Variants in ITGA2 observed in about 807,000 individuals in gnomAD.
ITGA2 encodes the protein integrin alpha-2.
A neutral mutation model predicts 146.3 loss-of-function variants in ITGA2; 101 were observed. The observed-to-expected ratio is 0.69, with a 90% CI of 0.59 to 0.81. The LOEUF (loss-of-function observed/expected upper bound fraction) is 0.81, where lower values mean the gene tolerates loss of function less well. Ranked by LOEUF, ITGA2 falls within the 40% of genes least tolerant of loss-of-function variation. ITGA2 has a pLI of 0.00. For missense variants in ITGA2, 1,281 were observed against 1,402.7 expected, an observed-to-expected ratio of 0.91 and a Z score of 1.39; for synonymous variants, 477 against 487.1, an observed-to-expected ratio of 0.98 and a Z score of 0.27.
At position 53,078,945 on chromosome 5, in the gene ITGA2, A is replaced by G. The variant is rs1745784914; in HGVS notation, c.2928+71A>G. 4.6e-6 allele frequency: 4 copies of G among 873,298 alleles called. No homozygotes were observed. In the East Asian group the frequency reaches 9.9e-5, roughly 22 times the overall value. The allele number at this position is 873,298 out of a possible 1,614,324, so 54.1% of individuals were successfully genotyped here. Reference sequence around the variant, plus strand: ...AAGAAAAAAAATGAGTCTGGAAATAAAAGGAGAAAGTAAAAAGAAATTGAA... The same window carrying G: ...AAGAAAAAAAATGAGTCTGGAAATAGAAGGAGAAAGTAAAAAGAAATTGAA... On this transcript the variant is annotated intron_variant, in intron 24 of 29. Coordinates refer to ENST00000296585, the MANE Select transcript of ITGA2 (RefSeq NM_002203.4).
intron 9 of ITGA2, among the ~76,000 whole-genome samples, chr5:53,057,707 T>C (rs781387808): frequency 1.3e-5 from 2 of 151,970 alleles, no homozygotes; most frequent in Non-Finnish European, 2.9e-5. Context: ...TCACCTTACC[T>C]TATACCCTTT....
chr5:53,055,119 AT>A (rs980291132), intron 7 of ITGA2, among the ~76,000 whole-genome samples: 16 of 151,502 alleles, frequency 1.1e-4, no homozygotes, highest in East Asian at 1.9e-4. Flanking sequence ...AAATACTTTG[AT>A]TTTTTTTTAA....
chr5:53,088,434 C>T (rs1011010284), intron 28 of ITGA2, among the ~76,000 whole-genome samples: 4 of 151,950 alleles, frequency 2.6e-5, no homozygotes, highest in Non-Finnish European at 2.9e-5. Context: ...ACCTATAATC[C>T]CAGCACTTTG....
intron 23 of ITGA2, among the ~76,000 whole-genome samples, 162 bp downstream of exon 23, chr5:53,075,466 C>T (rs1745620581): frequency 6.6e-6 from 1 of 151,836 alleles, no homozygotes; most frequent in Admixed American, 6.6e-5. Context: ...ATATTGGTCC[C>T]TAGGAAAACC....
At chr5:52,995,378 G>T (rs1474397737) in intron 1 of ITGA2, among the ~76,000 whole-genome samples, 2 of 152,196 alleles carry the variant, frequency 1.3e-5, no homozygotes, top group Non-Finnish European at 2.9e-5. Context: ...TAGGAGACCA[G>T]TTGTGAGATG....
At chr5:53,066,853 A>C (rs956686498) in intron 15 of ITGA2, among the ~76,000 whole-genome samples, 1 of 151,934 alleles carries the variant, frequency 6.6e-6, no homozygotes, top group Non-Finnish European at 1.5e-5. Flanking sequence ...ATCAAGAGTA[A>C]ATACACATAT....
intron 1 of ITGA2, among the ~76,000 whole-genome samples, chr5:53,013,515 G>C (rs1742253796): frequency 6.6e-6 from 1 of 151,864 alleles, no homozygotes; most frequent in South Asian, 2.1e-4. Flanking sequence ...CTGTAGCCTT[G>C]TAGTATAGTT....
chr5:53,080,622 G>GTAAA lies in ITGA2; in HGVS notation c.3039+2_3039+5dup. The GTAAA allele has an allele frequency of 6.2e-7, 1 of 1,606,564 alleles. No homozygotes were observed. ...CCTAACTGGGGTGCAAACAGACAAG[G>GTAAA]TAAAGATTAAAAAATTGCCTAAAAA... On this transcript the variant is annotated splice_donor_variant, in intron 25 of 29. Coordinates refer to ENST00000296585, the MANE Select transcript of ITGA2 (RefSeq NM_002203.4). LOFTEE classifies it high-confidence loss of function.
chr5:53,024,823 A>G (rs980846406), intron 1 of ITGA2, among the ~76,000 whole-genome samples: 7 of 152,230 alleles, frequency 4.6e-5, no homozygotes, highest in Non-Finnish European at 1.0e-4. Flanking sequence ...AGTCAGAAAG[A>G]TACACCAGGG....
At chr5:53,044,072 C>T (rs1328474512) in intron 3 of ITGA2, among the ~76,000 whole-genome samples, 1 of 151,558 alleles carries the variant, frequency 6.6e-6, no homozygotes, top group Non-Finnish European at 1.5e-5. Flanking sequence ...CTCAGGAGTT[C>T]AAGACCAACC....
At chr5:53,073,859 A>G (rs1745518345) in intron 20 of ITGA2, among the ~76,000 whole-genome samples, 1 of 151,568 alleles carries the variant, frequency 6.6e-6, no homozygotes, top group Non-Finnish European at 1.5e-5. Flanking sequence ...TTAGAGTTCT[A>G]AACCTAACCT....
At chr5:53,044,702 ATG>A (rs1033793103) in intron 3 of ITGA2, among the ~76,000 whole-genome samples, 1 of 152,146 alleles carries the variant, frequency 6.6e-6, no homozygotes, top group Non-Finnish European at 1.5e-5. Context: ...ATGTCCTCAA[ATG>A]TGTTTTGTTT....
At chr5:53,020,239 TTTGAA>T (rs1018849237) in intron 1 of ITGA2, among the ~76,000 whole-genome samples, 5 of 152,182 alleles carry the variant, frequency 3.3e-5, no homozygotes, top group Admixed American at 2.6e-4. Flanking sequence ...TATGGACAGT[TTTGAA>T]TAGAGAGAGA....
chr5:53,029,170 T>A (rs1199062247), intron 2 of ITGA2, among the ~76,000 whole-genome samples: 2 of 151,710 alleles, frequency 1.3e-5, no homozygotes, highest in Non-Finnish European at 2.9e-5. Flanking sequence ...TACTCCAGAG[T>A]CTGAGGCAGG....
chr5:53,041,228 T>C (rs1459701281), intron 2 of ITGA2, among the ~76,000 whole-genome samples: 2 of 152,110 alleles, frequency 1.3e-5, no homozygotes, highest in African/African-American at 4.8e-5. Flanking sequence ...TTCTGTGCAA[T>C]CTTCTGTGGT....
In ITGA2 at chr5:53,026,878, T is replaced by C. The variant is rs758980432; in HGVS notation, c.185+10T>C. The C allele has an allele frequency of 4.4e-5, 71 of 1,607,914 alleles. No individual in the cohort carries two copies. The highest frequency in any genetic ancestry group is 5.9e-5 in the Non-Finnish European group (69 of 1,174,694). On this transcript the variant is annotated intron_variant, in intron 2 of 29. Coordinates refer to ENST00000296585, the MANE Select transcript of ITGA2 (RefSeq NM_002203.4). ...ATCCAAAAGGCAACTGGTAAGAATA[T>C]TCTCTTCTTTATGATTTCAGTAAAA...
chr5:53,055,660 A>G lies in ITGA2; in HGVS notation c.902A>G (p.His301Arg), dbSNP rs1744595070. ...AAAGCTGTGATTGATCAATGCAACC[A>G]TGACAATATACTGAGGTTTGGCATA... Reference protein sequence around the residue: ...MLKAVIDQCNHDNILRFGIAV... With the variant: ...MLKAVIDQCNRDNILRFGIAV... The change falls in exon 8 of 30, where the codon CAT becomes CGT. Residue 301 changes from histidine (H) to arginine (R), a missense_variant. Coordinates refer to ENST00000296585, the MANE Select transcript of ITGA2 (RefSeq NM_002203.4). The G allele has an allele frequency of 2.5e-6, 4 of 1,613,360 alleles. No individual in the cohort carries two copies. The highest frequency in any genetic ancestry group is 3.4e-6 in the Non-Finnish European group (4 of 1,179,470).
intron 1 of ITGA2, among the ~76,000 whole-genome samples, chr5:53,009,420 G>C (rs1742014820): frequency 6.6e-6 from 1 of 152,168 alleles, no homozygotes; most frequent in Admixed American, 6.5e-5. Flanking sequence ...GGAAACTGCA[G>C]AAAATGTCCT....
intron 5 of ITGA2, 26 bp downstream of exon 5, chr5:53,048,503 T>C: frequency 6.2e-7 from 1 of 1,610,608 alleles, no homozygotes. Context: ...GCAGATGGTC[T>C]GAGCAATGCC....
Sources: gnomAD v4.1 joint callset for allele counts (sites outside exome capture counted in the v4.1 genomes callset) on GRCh38, gnomAD v4.1.1 for gene constraint, MANE v1.5 for transcripts, NCBI Gene and HGNC (gene_info 2026-07-23, HGNC 2026-07-21) for gene names.